RGS14: variants seen among roughly 807,000 people sequenced by gnomAD.
The protein encoded by RGS14 is regulator of G-protein signaling 14.
RGS14 carries 33 observed loss-of-function variants against 63.8 expected under a neutral mutation model. That is an observed-to-expected ratio of 0.52 (90% confidence interval 0.39 to 0.69). RGS14 has a LOEUF of 0.69. RGS14 is among the 30% of genes least tolerant of loss of function. The probability of loss-of-function intolerance (pLI) is 0.00; values close to 1 mark genes in which losing one functional copy is unlikely to be tolerated. For missense variants in RGS14, 739 were observed against 742.9 expected (o/e 0.99, Z 0.06); for synonymous variants, 296 against 320.9 (o/e 0.92, Z 0.83).
Position 177,364,624 on chromosome 5 carries a change from G to A in RGS14, c.46-1339G>A, listed in dbSNP as rs1202485803. On this transcript the variant is annotated intron_variant, in intron 1 of 14. Coordinates refer to ENST00000408923, the MANE Select transcript of RGS14 (RefSeq NM_006480.5). This position sits in a 1 kb window ranked among gnomAD's most constrained non-coding sequence, Gnocchi z 4.6. ...TGTCTGGAGCTGTGGATCTGTGGAT[G>A]GGACAAAGTGCCCAGGACAGAGCCA... 6.6e-6 allele frequency among the ~76,000 whole-genome samples: 1 copy of A among 152,174 alleles called. No homozygotes were observed. Among genetic ancestry groups the A allele is most frequent in the African/African-American group, 2.4e-5 (1 of 41,428 alleles).
chr5:177,368,981 T>A, intron 9 of RGS14, 61 bp downstream of exon 9: 1 of 1,526,058 alleles, frequency 6.6e-7, no homozygotes, highest in Non-Finnish European at 9.1e-7. Context: ...CAACTCCATT[T>A]CTGTCTCTGC....
In RGS14 at chr5:177,370,848, A is replaced by T. The variant is rs1762223441; in HGVS notation, c.1128-57A>T. 61 of 1,571,034 alleles carry T rather than the reference A, an allele frequency of 3.9e-5. 1 individual carries two copies. The highest frequency in any genetic ancestry group is 4.9e-5 in the Non-Finnish European group (57 of 1,165,784). On this transcript the variant is annotated intron_variant, in intron 10 of 14. Transcript: ENST00000408923. ...TCCACCCCCTCGCGTTTGTCCTGGG[A>T]AGGGTTTGGCGGGGGGCCGGCCCTC...
In RGS14 at chr5:177,359,952, T is replaced by G. The variant is rs559378082; in HGVS notation, c.45+1883T>G. Among the ~76,000 whole-genome samples the G allele has an allele frequency of 6.6e-6, 1 of 152,288 alleles. No homozygotes were observed. The highest frequency in any genetic ancestry group is 1.9e-4 in the East Asian group (1 of 5,186). ...GCGTCAGCATCTGAACCCCCAGAAC[T>G]GCCTGGCCCCAGTCCTCCCCTACCT... On this transcript the variant is annotated intron_variant, in intron 1 of 14. Coordinates refer to ENST00000408923, the MANE Select transcript of RGS14 (RefSeq NM_006480.5). This position sits in a 1 kb window ranked among gnomAD's most constrained non-coding sequence, Gnocchi z 4.4.
Position 177,368,822 on chromosome 5 carries a change from A to G in RGS14, c.955A>G (p.Arg319Gly), listed in dbSNP as rs1251346861. The stretch of plus-strand genomic sequence containing the variant: ...TGGCACAGCCTCCTTGGCCCTGGCC[A>G]GACCTGGCCTCACCATCCGAGACAT... ...PDGTASLALA[R>G]PGLTIRDMLA... Residue 319 changes from arginine (R) to glycine (G), a missense_variant, in exon 9 of 15, where the codon AGA becomes GGA. Physicochemically the swap from Arg to Gly is moderately radical, Grantham distance 125. Transcript: ENST00000408923. 1 of 1,614,244 alleles carries G rather than the reference A, an allele frequency of 6.2e-7. No homozygotes were observed. The highest frequency in any genetic ancestry group is 2.2e-5 in the East Asian group (1 of 44,890).
At chr5:177,366,036 T>G (rs1762082817) in intron 2 of RGS14, 52 bp downstream of exon 2, 2 of 1,591,594 alleles carry the variant, frequency 1.3e-6, no homozygotes, top group Non-Finnish European at 1.7e-6. Context: ...AGGAGGGAGG[T>G]GGAGATGGGT....
rs1762103288 is a variant in RGS14, at chr5:177,366,773, G to A, written c.312G>A (p.Gln104=). Residue 104 remains glutamine (Q), a synonymous_variant, in exon 4 of 15, where the codon CAG becomes CAA. Transcript: ENST00000408923. ...TCTGGAAGGCCTGCGAGCGCTTCCA[G>A]CAGATCCCGGCCAGCGATACCCAGC... ...VTFWKACERF[Q]QIPASDTQQL... The A allele has an allele frequency of 1.2e-6, 2 of 1,614,046 alleles. No individual in the cohort carries two copies. The highest frequency in any genetic ancestry group is 1.7e-6 in the Non-Finnish European group (2 of 1,180,030).
intron 5 of RGS14, 34 bp from the exon 6 acceptor site, chr5:177,367,380 G>C (rs1762125636): frequency 6.4e-7 from 1 of 1,563,892 alleles, no homozygotes; most frequent in Non-Finnish European, 8.7e-7. Context: ...CCCCACCCCA[G>C]CCCCGGCTCA....
chr5:177,371,104 C>T lies in RGS14; in HGVS notation c.1255-61C>T, dbSNP rs1219970738. 16 of 1,061,552 alleles carry T rather than the reference C, an allele frequency of 1.5e-5. No homozygotes were observed. The highest frequency in any genetic ancestry group is 1.8e-5 in the South Asian group (1 of 54,856). 65.8% of individuals were successfully genotyped at this position (1,061,552 alleles called of 1,614,324 possible). On this transcript the variant is annotated intron_variant, in intron 11 of 14. Transcript: ENST00000408923. This position sits in a 1 kb window ranked among gnomAD's most constrained non-coding sequence, Gnocchi z 6.1. The stretch of plus-strand genomic sequence containing the variant: ...CCGGGGCCGGGGCCGGGGCCGGGGC[C>T]GGGGCCGGGGCCGGGGCCGGGCGGA...
At position 177,366,108 on chromosome 5, in the gene RGS14, G is replaced by A. The variant is rs951734346; in HGVS notation, c.68-69G>A. 3 of 1,602,820 alleles carry A rather than the reference G, an allele frequency of 1.9e-6. No homozygotes were observed. In the African/African-American group the frequency reaches 4.0e-5, roughly 21 times the overall value. On this transcript the variant is annotated intron_variant, in intron 2 of 14. Coordinates refer to ENST00000408923, the MANE Select transcript of RGS14 (RefSeq NM_006480.5). ...CATGGCTGCAGAGTGGATGCATGGG[G>A]GAGGGTGGGTTGTGCCAGGGGCTGG... is the stretch of plus-strand genomic sequence containing the variant.
At chr5:177,370,730 A>G (rs1581623443) in intron 10 of RGS14, 66 bp downstream of exon 10, 2 of 1,576,802 alleles carry the variant, frequency 1.3e-6, no homozygotes, top group Admixed American at 3.4e-5. Flanking sequence ...TGTTCTAGCT[A>G]CCTGGCTCCC....
Position 177,364,887 on chromosome 5 carries a change from C to T in RGS14, c.46-1076C>T, listed in dbSNP as rs1762054792. Among the ~76,000 whole-genome samples the T allele has an allele frequency of 1.3e-5, 2 of 152,194 alleles. No homozygotes were observed. Among genetic ancestry groups the T allele is most frequent in the African/African-American group, 4.8e-5 (2 of 41,434 alleles). ...AGAGTAGTCCCTGAACCAGCAGCAT[C>T]AGCATCGCCTGGGAGCTTGGTAGAA... On this transcript the variant is annotated intron_variant, in intron 1 of 14. Transcript: ENST00000408923. The surrounding 1 kb of genome is among the most constrained non-coding windows in gnomAD (Gnocchi z 4.6).
intron 7 of RGS14, 32 bp downstream of exon 7, chr5:177,367,857 G>A: frequency 6.5e-7 from 1 of 1,528,414 alleles, no homozygotes; most frequent in Non-Finnish European, 8.8e-7. Flanking sequence ...AGAGATGTGG[G>A]GAAGGCGGGA....
At position 177,358,022 on chromosome 5, in the gene RGS14, G is replaced by GC. The variant is rs769510395; in HGVS notation, c.-3_-2insC. 2.9e-6 allele frequency: 4 copies of GC among 1,359,120 alleles called. No homozygotes were observed. Among genetic ancestry groups the GC allele is most frequent in the Non-Finnish European group, 3.8e-6 (4 of 1,045,988 alleles). 84.2% of individuals were successfully genotyped at this position (1,359,120 alleles called of 1,614,324 possible). ...GCGGCGGGGACCCCTGATCGGCAGC[G>GC]GCATGCCAGGGAAGCCCAAGCACCT... On this transcript the variant is annotated 5_prime_UTR_variant, in exon 1 of 15. Coordinates refer to ENST00000408923, the MANE Select transcript of RGS14 (RefSeq NM_006480.5). This position sits in a 1 kb window ranked among gnomAD's most constrained non-coding sequence, Gnocchi z 4.8.
chr5:177,368,443 A>G (rs927180150), intron 8 of RGS14, among the ~76,000 whole-genome samples, 177 bp downstream of exon 8: 17 of 152,216 alleles, frequency 1.1e-4, no homozygotes, highest in African/African-American at 3.9e-4. Context: ...CATATATGTC[A>G]TGGGTACACA....
intron 7 of RGS14, 88 bp downstream of exon 7, chr5:177,367,913 C>T: frequency 6.9e-7 from 1 of 1,454,686 alleles, no homozygotes; most frequent in Non-Finnish European, 9.0e-7. Flanking sequence ...ACGTGGCCCA[C>T]AGTCTGTAAG....
intron 1 of RGS14, among the ~76,000 whole-genome samples, chr5:177,360,080 G>A (rs1478140224): frequency 1.3e-5 from 2 of 152,132 alleles, no homozygotes; most frequent in Admixed American, 6.5e-5. Flanking sequence ...CTGTCACTTG[G>A]AGACATCTCC....
Position 177,358,098 on chromosome 5 carries a change from G to A in RGS14, c.45+29G>A, listed in dbSNP as rs759034545. 9.7e-6 allele frequency: 13 copies of A among 1,333,454 alleles called. No individual in the cohort carries two copies. The highest frequency in any genetic ancestry group is 9.7e-5 in the Admixed American group (3 of 31,004). 82.6% of individuals were successfully genotyped at this position (1,333,454 alleles called of 1,614,324 possible). ...AGTGTGGGCTCCGGGCCAGGGCCAC[G>A]AGGAGGGGGTGGGCACACCCAGGGT... is the stretch of plus-strand genomic sequence containing the variant. On this transcript the variant is annotated intron_variant, in intron 1 of 14. Transcript: ENST00000408923. The surrounding 1 kb of genome is among the most constrained non-coding windows in gnomAD (Gnocchi z 4.8).
At chr5:177,367,621 G>A in intron 6 of RGS14, 64 bp downstream of exon 6, 3 of 1,580,456 alleles carry the variant, frequency 1.9e-6, no homozygotes, top group Non-Finnish European at 2.6e-6. Context: ...TGCAAGAGGG[G>A]ACGCCTCCGG....
In RGS14 at chr5:177,371,289, G is replaced by A; in HGVS notation, c.1336+43G>A. On this transcript the variant is annotated intron_variant, in intron 12 of 14. Transcript: ENST00000408923. The surrounding 1 kb of genome is among the most constrained non-coding windows in gnomAD (Gnocchi z 6.1). ...CGGGGCTTGATCTGGAACAGCTGTG[G>A]CCCAGGAGGAAGGGGGTCCAGGTGG... is the stretch of plus-strand genomic sequence containing the variant. The A allele has an allele frequency of 6.2e-7, 1 of 1,614,026 alleles. No individual in the cohort carries two copies. Among genetic ancestry groups the A allele is most frequent in the Non-Finnish European group, 8.5e-7 (1 of 1,179,922 alleles).
Sources: gnomAD v4.1 joint callset for allele counts (sites outside exome capture counted in the v4.1 genomes callset) on GRCh38, gnomAD v4.1.1 for gene constraint, Gnocchi (gnomAD v3.1) non-coding constraint, MANE v1.5 for transcripts, NCBI Gene and HGNC (gene_info 2026-07-23, HGNC 2026-07-21) for gene names.